The following NEDD4L variants were observed in gnomAD, a reference collection of about 807,000 sequenced individuals.
NEDD4L encodes E3 ubiquitin-protein ligase NEDD4-like.
Under a neutral mutation model 148.9 loss-of-function variants are expected in NEDD4L, and 54 were observed. That is an observed-to-expected ratio of 0.36 (90% confidence interval 0.29 to 0.45). The LOEUF is 0.45. Ranked by LOEUF, NEDD4L falls within the 20% of genes least tolerant of loss-of-function variation. The probability of loss-of-function intolerance (pLI) is 1.00; values close to 1 mark genes in which losing one functional copy is unlikely to be tolerated. For synonymous variants in NEDD4L, 433 were observed against 440.7 expected (o/e 0.98, Z 0.22); for missense variants, 856 against 1,233.8 (o/e 0.69, Z 4.59).
chr18:58,224,146 A>G (rs1308750514), intron 2 of NEDD4L, among the ~76,000 whole-genome samples: 1 of 152,228 alleles, frequency 6.6e-6, no homozygotes, highest in Non-Finnish European at 1.5e-5. Flanking sequence ...TCAGTGATGT[A>G]AGCTGTCTTG....
At chr18:58,379,643 G>C (rs567071710) in intron 24 of NEDD4L, among the ~76,000 whole-genome samples, 21 of 152,308 alleles carry the variant, frequency 1.4e-4, no homozygotes, top group African/African-American at 5.1e-4. Flanking sequence ...GCATCGGCCA[G>C]TGGCAGTAAG....
intron 2 of NEDD4L, among the ~76,000 whole-genome samples, chr18:58,236,151 G>GT (rs1448606752): frequency 2.0e-5 from 3 of 152,144 alleles, no homozygotes; most frequent in Non-Finnish European, 4.4e-5. Flanking sequence ...GAAGCTAGGA[G>GT]TTTGAGACCA....
chr18:58,275,918 C>T (rs1040653471), intron 5 of NEDD4L, among the ~76,000 whole-genome samples: 4 of 152,132 alleles, frequency 2.6e-5, no homozygotes, highest in Non-Finnish European at 5.9e-5. Context: ...GCAGTCAGGT[C>T]CCATTTCCTA....
At chr18:58,246,052 C>G (rs916552837) in intron 3 of NEDD4L, among the ~76,000 whole-genome samples, 1 of 151,834 alleles carries the variant, frequency 6.6e-6, no homozygotes, top group Admixed American at 6.6e-5. Flanking sequence ...AGTATTAAAT[C>G]TAGAAGTTTT....
intron 1 of NEDD4L, among the ~76,000 whole-genome samples, chr18:58,115,367 A>G (rs552488728): frequency 6.6e-6 from 1 of 151,206 alleles, no homozygotes; most frequent in East Asian, 2.0e-4. Context: ...CCTAGGGGAG[A>G]TGCAATTCCC....
intron 6 of NEDD4L, among the ~76,000 whole-genome samples, chr18:58,320,869 T>C (rs1046390555): frequency 2.0e-5 from 3 of 152,200 alleles, no homozygotes; most frequent in Non-Finnish European, 4.4e-5. Context: ...AAACCAGCAA[T>C]AGTTTTCTTA....
chr18:58,307,575 A>G (rs767882841), intron 5 of NEDD4L, among the ~76,000 whole-genome samples: 6 of 152,144 alleles, frequency 3.9e-5, no homozygotes, highest in South Asian at 4.1e-4. Flanking sequence ...AGTAATTGCA[A>G]TTCAAGAATA....
intron 14 of NEDD4L, 22 bp downstream of exon 14, chr18:58,341,191 T>C: frequency 1.2e-6 from 2 of 1,609,992 alleles, no homozygotes; most frequent in Non-Finnish European, 1.7e-6. Context: ...GCCATCCAAC[T>C]TAAAACCGCA....
intron 28 of NEDD4L, among the ~76,000 whole-genome samples, chr18:58,389,729 T>C (rs189545169): frequency 6.6e-6 from 1 of 150,564 alleles, no homozygotes; most frequent in East Asian, 1.9e-4. Flanking sequence ...AAAGGAGATA[T>C]AGTAAACAAA....
intron 2 of NEDD4L, among the ~76,000 whole-genome samples, chr18:58,206,085 C>T (rs2041953981): frequency 1.3e-5 from 2 of 152,124 alleles, no homozygotes; most frequent in African/African-American, 2.4e-5. Flanking sequence ...GCGCTGGGTA[C>T]AGGATGCACT....
intron 2 of NEDD4L, chr18:58,195,808 C>A: frequency 1.0e-6 from 1 of 958,974 alleles, no homozygotes; most frequent in Non-Finnish European, 1.5e-6. Context: ...GTTCTCTTAC[C>A]GTGAATCCAT....
At chr18:58,323,810 G>C (rs1240071758) in intron 8 of NEDD4L, among the ~76,000 whole-genome samples, 1 of 152,172 alleles carries the variant, frequency 6.6e-6, no homozygotes, top group Non-Finnish European at 1.5e-5. Flanking sequence ...GAGCTGACCA[G>C]AGGAATGTCC....
intron 19 of NEDD4L, 156 bp downstream of exon 19, chr18:58,357,408 T>C: frequency 2.6e-6 from 2 of 765,090 alleles, no homozygotes; most frequent in Non-Finnish European, 4.7e-6. Flanking sequence ...TTACTGAAGT[T>C]TCCAGGTGAG....
intron 2 of NEDD4L, among the ~76,000 whole-genome samples, chr18:58,221,192 T>C (rs2043721808): frequency 6.6e-6 from 1 of 152,234 alleles, no homozygotes; most frequent in South Asian, 2.1e-4. Flanking sequence ...ATGTAGAAGC[T>C]GAGTTAGTTT....
At chr18:58,077,735 C>G (rs1490240892) in intron 1 of NEDD4L, among the ~76,000 whole-genome samples, 1 of 152,182 alleles carries the variant, frequency 6.6e-6, no homozygotes, top group Non-Finnish European at 1.5e-5. Flanking sequence ...TAATCCTCAC[C>G]TAAAATGCAG....
chr18:58,142,206 C>G (rs1164595336), intron 1 of NEDD4L, among the ~76,000 whole-genome samples: 3 of 71,590 alleles, frequency 4.2e-5, no homozygotes, highest in Non-Finnish European at 9.0e-5. Flanking sequence ...GCCACCACGC[C>G]CGGCTAATTT....
chr18:58,349,936 A>G (rs1436080927), intron 17 of NEDD4L, among the ~76,000 whole-genome samples: 1 of 152,230 alleles, frequency 6.6e-6, no homozygotes, highest in African/African-American at 2.4e-5. Flanking sequence ...GCAACCACTG[A>G]GTTTCAGTCA....
chr18:58,233,329 T>C (rs2045481955), intron 2 of NEDD4L, among the ~76,000 whole-genome samples: 1 of 152,220 alleles, frequency 6.6e-6, no homozygotes, highest in Non-Finnish European at 1.5e-5. Flanking sequence ...AAAAGAGGTT[T>C]AATGTACTCA....
intron 23 of NEDD4L, chr18:58,371,549 TGAGTTAAAAA>T (rs1222369397): frequency 2.3e-4 from 35 of 152,392 alleles, no homozygotes; most frequent in Admixed American, 2.3e-3. Flanking sequence ...TTTGCTCACT[TGAGTTAAAAA>T]GCCCCTGCAT....
Sources: gnomAD v4.1 joint callset for allele counts (sites outside exome capture counted in the v4.1 genomes callset) on GRCh38, gnomAD v4.1.1 for gene constraint, MANE v1.5 for transcripts, NCBI Gene and HGNC (gene_info 2026-07-23, HGNC 2026-07-21) for gene names.